DNAH5: variants seen among roughly 807,000 people sequenced by gnomAD.
The protein encoded by DNAH5 is dynein axonemal heavy chain 5.
A neutral mutation model predicts 518.2 loss-of-function variants in DNAH5; 372 were observed. The ratio of observed to expected loss-of-function variants is 0.72; its 90% CI spans 0.66 to 0.78. The LOEUF (loss-of-function observed/expected upper bound fraction) is 0.78. DNAH5 is among the 30% of genes least tolerant of loss of function. The pLI, the probability that DNAH5 is intolerant of heterozygous loss-of-function variation, is 0.00. For synonymous variants in DNAH5, 2,039 were observed against 2,025.9 expected (o/e 1.01, Z -0.17); for missense variants, 5,523 against 5,687.0 (o/e 0.97, Z 0.93).
intron 17 of DNAH5, among the ~76,000 whole-genome samples, chr5:13,889,851 C>T (rs967910008): frequency 5.3e-5 from 8 of 152,154 alleles, no homozygotes; most frequent in Non-Finnish European, 1.2e-4. Flanking sequence ...CATCTCTTAA[C>T]TATGTCAGGG....
At chr5:13,827,849 T>A (rs1462451670) in intron 38 of DNAH5, among the ~76,000 whole-genome samples, 1 of 152,132 alleles carries the variant, frequency 6.6e-6, no homozygotes, top group African/African-American at 2.4e-5. Flanking sequence ...TGAGTTCTCA[T>A]GAGATCTGAC....
intron 24 of DNAH5, among the ~76,000 whole-genome samples, chr5:13,869,278 C>T (rs1403330060): frequency 6.6e-6 from 1 of 151,894 alleles, no homozygotes; most frequent in East Asian, 1.9e-4. Context: ...TAAGCCCAGA[C>T]ATTCCAGTTA....
intron 70 of DNAH5, 32 bp downstream of exon 70, chr5:13,727,475 T>C (rs762699169): frequency 3.2e-6 from 5 of 1,573,050 alleles, no homozygotes; most frequent in Middle Eastern, 1.7e-4. Flanking sequence ...AAAAATATTC[T>C]CTCATTTTTC....
At chr5:13,940,037 C>A (rs955287767) in intron 1 of DNAH5, among the ~76,000 whole-genome samples, 1 of 152,140 alleles carries the variant, frequency 6.6e-6, no homozygotes, top group African/African-American at 2.4e-5. Flanking sequence ...AGGCCTCTAG[C>A]TCTCCCTATT....
chr5:13,720,947 C>A, intron 71 of DNAH5, 53 bp downstream of exon 71: 2 of 1,613,252 alleles, frequency 1.2e-6, no homozygotes, highest in Non-Finnish European at 1.7e-6. Flanking sequence ...CATTGCTATT[C>A]TATAACCTGT....
chr5:13,703,099 C>T (rs1481739793), intron 76 of DNAH5, among the ~76,000 whole-genome samples: 1 of 152,136 alleles, frequency 6.6e-6, no homozygotes, highest in Admixed American at 6.5e-5. Context: ...TCCTCCACCT[C>T]ATTCTGGAAC....
At chr5:13,810,459 G>A (rs1760474259) in intron 44 of DNAH5, 199 bp from the exon 45 acceptor site, 1 of 630,254 alleles carries the variant, frequency 1.6e-6, no homozygotes. Flanking sequence ...TAATAGGGTT[G>A]GCCGGGCACG....
chr5:13,745,905 T>C (rs1168155147), intron 65 of DNAH5, among the ~76,000 whole-genome samples: 2 of 152,110 alleles, frequency 1.3e-5, no homozygotes, highest in Non-Finnish European at 2.9e-5. Context: ...AGACACTGCA[T>C]TGTCACTGAA....
intron 43 of DNAH5, among the ~76,000 whole-genome samples, chr5:13,814,091 T>G (rs1364974971): frequency 6.6e-6 from 1 of 152,130 alleles, no homozygotes; most frequent in Admixed American, 6.5e-5. Flanking sequence ...AATAAAATAA[T>G]ATACCTGATT....
In DNAH5 at chr5:13,735,148, A is replaced by G; in HGVS notation, c.11744T>C (p.Phe3915Ser). ...IQRNRVKHEE[F>S]LTLIKGGASL... ...ATATTGACCTTTAATAAGAGTGAGA[A>G]ACTCTTCATGCTTGACTCGGTTCCT... The change falls in exon 68 of 79, where the codon TTT (phenylalanine) becomes TCT (serine). Residue 3915 changes from phenylalanine to serine, a missense_variant. Coordinates refer to ENST00000265104, the MANE Select transcript of DNAH5 (RefSeq NM_001369.3). 1.2e-6 allele frequency: 2 copies of G among 1,614,096 alleles called. No homozygotes were observed. Among genetic ancestry groups the G allele is most frequent in the Non-Finnish European group, 8.5e-7 (1 of 1,179,974 alleles).
chr5:13,727,487 CT>C lies in DNAH5; in HGVS notation c.12033+19del. ...TTTAAAAATATTCTCTCATTTTTCTCTTTAATATGGACTTTTTACCTGGGCG... is the reference window on the plus strand; with the variant it reads ...TTTAAAAATATTCTCTCATTTTTCTCTTAATATGGACTTTTTACCTGGGCG... On this transcript the variant is annotated intron_variant, in intron 70 of 78. Transcript: ENST00000265104. 1 of 1,603,114 alleles carries C rather than the reference CT, an allele frequency of 6.2e-7. No individual in the cohort carries two copies. Among genetic ancestry groups the C allele is most frequent in the Non-Finnish European group, 8.5e-7 (1 of 1,173,360 alleles).
chr5:13,708,700 T>C (rs538197610), intron 75 of DNAH5, among the ~76,000 whole-genome samples: 3 of 152,270 alleles, frequency 2.0e-5, no homozygotes, highest in South Asian at 2.1e-4. Context: ...CAAGCAAACA[T>C]GTACACACAC....
chr5:13,919,248 C>T lies in DNAH5; in HGVS notation c.903G>A (p.Leu301=), dbSNP rs762163093. ...TCACATCCGGGCTTTTCAATTGTTC[C>T]AAAAGGTAGTTAAACTTGGAGAGTC... ...KKRLSKFNYL[L]EQLKSPDVKA... The change falls in exon 7 of 79, where the codon TTG becomes TTA. Residue 301 remains leucine (L), a synonymous_variant. Transcript: ENST00000265104. 3 of 1,614,134 alleles carry T rather than the reference C, an allele frequency of 1.9e-6. No individual in the cohort carries two copies. The highest frequency in any genetic ancestry group is 2.5e-6 in the Non-Finnish European group (3 of 1,180,000).
At chr5:13,932,859 A>G (rs1022365082) in intron 1 of DNAH5, among the ~76,000 whole-genome samples, 2 of 152,224 alleles carry the variant, frequency 1.3e-5, no homozygotes, top group Admixed American at 6.5e-5. Flanking sequence ...GACTCAATAC[A>G]CAGGTGGACG....
Position 13,902,916 on chromosome 5 carries a change from T to C in DNAH5, c.1645-778A>G, listed in dbSNP as rs575835672. Among the ~76,000 whole-genome samples, 15 of 152,038 alleles carry C rather than the reference T, an allele frequency of 9.9e-5. 1 individual carries two copies. The highest frequency in any genetic ancestry group is 2.9e-4 in the African/African-American group (12 of 41,488). On this transcript the variant is annotated intron_variant, in intron 12 of 78. Transcript: ENST00000265104. Reference sequence around the variant, plus strand: ...AAAGCCCAGGGCCAAAAGATTCCTATAGGAAAAAAAATAAATACATAACTT... The same window carrying C: ...AAAGCCCAGGGCCAAAAGATTCCTACAGGAAAAAAAATAAATACATAACTT...
chr5:13,985,444 T>TATATATATAC, intron 1 of DNAH5, among the ~76,000 whole-genome samples: 1 of 130,596 alleles, frequency 7.7e-6, no homozygotes. Flanking sequence ...TATATATATA[T>TATATATATAC]ATATATATAT....
At chr5:13,743,205 T>G (rs189000930) in intron 65 of DNAH5, among the ~76,000 whole-genome samples, 1 of 152,028 alleles carries the variant, frequency 6.6e-6, no homozygotes, top group Admixed American at 6.6e-5. Flanking sequence ...GGTAGGTAGA[T>G]AGAGAGATAG....
At chr5:13,953,937 A>C (rs1468817310) in intron 1 of DNAH5, among the ~76,000 whole-genome samples, 1 of 152,096 alleles carries the variant, frequency 6.6e-6, no homozygotes, top group East Asian at 1.9e-4. Flanking sequence ...TGAACTCCTG[A>C]CCTCATGTGA....
At chr5:13,877,685 C>T (rs574745806) in intron 21 of DNAH5, among the ~76,000 whole-genome samples, 2 of 152,250 alleles carry the variant, frequency 1.3e-5, no homozygotes, top group South Asian at 2.1e-4. Flanking sequence ...GGCACTGAAC[C>T]AGAGAATTGG....
Sources: allele counts gnomAD v4.1 joint callset (sites outside exome capture counted in the v4.1 genomes callset), GRCh38; gene constraint gnomAD v4.1.1; transcripts MANE v1.5; gene names NCBI Gene and HGNC (gene_info 2026-07-23, HGNC 2026-07-21).